ADAM21: variants seen among roughly 807,000 people sequenced by gnomAD.
ADAM21 encodes ADAM metallopeptidase domain 21.
For synonymous variants in ADAM21, 262 were observed against 306.0 expected (o/e 0.86, Z 1.50); for missense variants, 678 against 874.4 (o/e 0.78, Z 2.83).
At position 70,457,650 on chromosome 14, in the gene ADAM21, A is replaced by G. The variant is rs113413787; in HGVS notation, c.151A>G (p.Arg51Gly). The change falls in exon 2 of 2, where the codon AGG (arginine) becomes GGG (glycine). Residue 51 changes from arginine to glycine, a missense_variant. Physicochemically the swap from Arg to Gly is moderately radical, Grantham distance 125. Coordinates refer to ENST00000603540, the MANE Select transcript of ADAM21 (RefSeq NM_003813.4). Reference protein sequence around the residue: ...EVVIPLKVISRGRSAKAPGWL... With the variant: ...EVVIPLKVISGGRSAKAPGWL... ...GGTGATCCCCTTGAAGGTGATCAGC[A>G]GGGGCAGAAGTGCAAAGGCTCCTGG... 6.2e-7 allele frequency: 1 copy of G among 1,613,828 alleles called. No individual in the cohort carries two copies. Among genetic ancestry groups the G allele is most frequent in the Non-Finnish European group, 8.5e-7 (1 of 1,179,894 alleles).
chr14:70,457,881 T>C lies in ADAM21; in HGVS notation c.382T>C (p.Cys128Arg). 1.2e-6 allele frequency: 2 copies of C among 1,613,926 alleles called. No individual in the cohort carries two copies. Among genetic ancestry groups the C allele is most frequent in the Non-Finnish European group, 1.7e-6 (2 of 1,179,972 alleles). Reference protein sequence around the residue: ...APESLVVFSACFGGFRGVLKI... With the variant: ...APESLVVFSARFGGFRGVLKI... Reference sequence around the variant, plus strand: ...TGAGTCTCTGGTTGTGTTCAGTGCTTGTTTTGGGGGCTTTCGAGGAGTATT... The same window carrying C: ...TGAGTCTCTGGTTGTGTTCAGTGCTCGTTTTGGGGGCTTTCGAGGAGTATT... Residue 128 changes from cysteine (C) to arginine (R), a missense_variant, in exon 2 of 2, where the codon TGT becomes CGT. Transcript: ENST00000603540.
chr14:70,454,599 G>C (rs1889080388), intron 1 of ADAM21, among the ~76,000 whole-genome samples: 1 of 152,154 alleles, frequency 6.6e-6, no homozygotes, highest in African/African-American at 2.4e-5. Flanking sequence ...GGAGAGCTGG[G>C]AGAACTAAAA....
Position 70,457,431 on chromosome 14 carries a change from A to T in ADAM21, c.-69A>T. On this transcript the variant is annotated 5_prime_UTR_variant, in exon 2 of 2. Coordinates refer to ENST00000603540, the MANE Select transcript of ADAM21 (RefSeq NM_003813.4). The stretch of plus-strand genomic sequence containing the variant: ...CCTGAGCAGCTTAGAGGGAGAAGCC[A>T]GACCAGCAGTGCCTCACACCTTGTC... The T allele has an allele frequency of 1.3e-6, 2 of 1,599,602 alleles. No individual in the cohort carries two copies. The highest frequency in any genetic ancestry group is 1.7e-6 in the Non-Finnish European group (2 of 1,172,378).
In ADAM21 at chr14:70,458,758, G is replaced by C. The variant is rs1882468349; in HGVS notation, c.1259G>C (p.Cys420Ser). ...GNGVVEREEQ[C>S]DCGSVQQCEQ... is the part of the protein sequence containing the mutation. ...GGTGTGGTTGAAAGAGAAGAGCAGTGTGACTGTGGATCCGTACAGCAGTGT... is the reference window on the plus strand; with the variant it reads ...GGTGTGGTTGAAAGAGAAGAGCAGTCTGACTGTGGATCCGTACAGCAGTGT... The change falls in exon 2 of 2, where the codon TGT (cysteine) becomes TCT (serine). Residue 420 changes from cysteine (C) to serine (S), a missense_variant. Coordinates refer to ENST00000603540, the MANE Select transcript of ADAM21 (RefSeq NM_003813.4). 6.2e-7 allele frequency: 1 copy of C among 1,614,042 alleles called. No individual in the cohort carries two copies. Among genetic ancestry groups the C allele is most frequent in the Non-Finnish European group, 8.5e-7 (1 of 1,180,030 alleles).
Position 70,457,375 on chromosome 14 carries a change from A to G in ADAM21, c.-125A>G. The stretch of plus-strand genomic sequence containing the variant: ...ACTGCAGTTCTGATCTAACTCTGCC[A>G]GGACACAGATCCACAGGGTCAGCCC... On this transcript the variant is annotated 5_prime_UTR_variant, in exon 2 of 2. Transcript: ENST00000603540. 2 of 1,469,616 alleles carry G rather than the reference A, an allele frequency of 1.4e-6. No homozygotes were observed. The highest frequency in any genetic ancestry group is 1.2e-5 in the South Asian group (1 of 80,632). The allele number at this position is 1,469,616 out of a possible 1,614,324, so 91.0% of individuals were successfully genotyped here.
chr14:70,459,551 G>A lies in ADAM21; in HGVS notation c.2052G>A (p.Leu684=). The change falls in exon 2 of 2, where the codon TTG becomes TTA. Residue 684 remains leucine, a synonymous_variant. Transcript: ENST00000603540. ...GPASAKRGVF[L]PLIVIPSLSV... ...CATCTGCAAAGAGAGGAGTTTTTTT[G>A]CCGCTGATTGTGATTCCTTCTTTGT... 6.2e-7 allele frequency: 1 copy of A among 1,614,132 alleles called. No homozygotes were observed.
In ADAM21 at chr14:70,459,086, C is replaced by G; in HGVS notation, c.1587C>G (p.Cys529Trp). The change falls in exon 2 of 2, where the codon TGC (cysteine) becomes TGG (tryptophan). Residue 529 changes from cysteine (C) to tryptophan (W), a missense_variant. Physicochemically the swap from Cys to Trp is radical, Grantham distance 215. Coordinates refer to ENST00000603540, the MANE Select transcript of ADAM21 (RefSeq NM_003813.4). Reference sequence around the variant, plus strand: ...ATGCAAAAAGTGCATCTCAGAATTGCTATAAAGAAATCAATTCTCAGGGAA... The same window carrying G: ...ATGCAAAAAGTGCATCTCAGAATTGGTATAAAGAAATCAATTCTCAGGGAA... ...GKDAKSASQN[C>W]YKEINSQGNR... The G allele has an allele frequency of 6.2e-7, 1 of 1,612,726 alleles. No individual in the cohort carries two copies. The highest frequency in any genetic ancestry group is 2.2e-5 in the East Asian group (1 of 44,838).
At chr14:70,454,680 G>A (rs1594981636) in intron 1 of ADAM21, among the ~76,000 whole-genome samples, 1 of 152,130 alleles carries the variant, frequency 6.6e-6, no homozygotes, top group South Asian at 2.1e-4. Context: ...GACTATGAGT[G>A]GGTGGGCTGA....
At position 70,457,507 on chromosome 14, in the gene ADAM21, T is replaced by A; in HGVS notation, c.8T>A (p.Val3Glu). 6.3e-7 allele frequency: 1 copy of A among 1,599,046 alleles called. No homozygotes were observed. Among genetic ancestry groups the A allele is most frequent in the Non-Finnish European group, 8.5e-7 (1 of 1,170,698 alleles). Residue 3 changes from valine (V) to glutamate (E), a missense_variant, in exon 2 of 2, where the codon GTG becomes GAG. Val to Glu is a moderately radical substitution (Grantham distance 121). Coordinates refer to ENST00000603540, the MANE Select transcript of ADAM21 (RefSeq NM_003813.4). MA[V>E]DGTLVYIRVT... is the part of the protein sequence containing the mutation. ...CATAACGACAGCTTCATAATGGCAG[T>A]GGATGGGACCCTCGTGTACATCAGA...
chr14:70,452,284 G>C (rs1889047437), intron 1 of ADAM21, 21 bp downstream of exon 1: 1 of 152,160 alleles, frequency 6.6e-6, no homozygotes, highest in South Asian at 2.1e-4. Flanking sequence ...CATAAAGTTT[G>C]GTTCTATGCA....
chr14:70,458,390 G>A lies in ADAM21; in HGVS notation c.891G>A (p.Met297Ile). The change falls in exon 2 of 2, where the codon ATG becomes ATA. Residue 297 changes from methionine to isoleucine, a missense_variant. By Grantham distance (10) the Met-to-Ile change is conservative. Coordinates refer to ENST00000603540, the MANE Select transcript of ADAM21 (RefSeq NM_003813.4). ...LSQLQHDAAH[M>I]FIKNSLISIL... ...AGCTACAGCATGATGCTGCACATATGTTCATAAAAAATTCACTTATAAGTA... is the reference window on the plus strand; with the variant it reads ...AGCTACAGCATGATGCTGCACATATATTCATAAAAAATTCACTTATAAGTA... The A allele has an allele frequency of 6.2e-7, 1 of 1,614,146 alleles. No individual in the cohort carries two copies. The highest frequency in any genetic ancestry group is 2.2e-5 in the East Asian group (1 of 44,890).
At chr14:70,456,747 C>A (rs539202232) in intron 1 of ADAM21, among the ~76,000 whole-genome samples, 103 of 152,234 alleles carry the variant, frequency 6.8e-4, no homozygotes, top group African/African-American at 2.4e-3. Flanking sequence ...TCCGTTTTTC[C>A]ATTTTTCATT....
chr14:70,454,732 A>G (rs1462011986), intron 1 of ADAM21, among the ~76,000 whole-genome samples: 2 of 152,176 alleles, frequency 1.3e-5, no homozygotes, highest in Admixed American at 6.5e-5. Context: ...AAAAACTTTA[A>G]AAAACCCTGT....
chr14:70,454,323 G>T, intron 1 of ADAM21, among the ~76,000 whole-genome samples: 1 of 151,004 alleles, frequency 6.6e-6, no homozygotes. Flanking sequence ...TTTTTTCAGA[G>T]CAGCATTAGT....
intron 1 of ADAM21, among the ~76,000 whole-genome samples, chr14:70,454,155 A>G (rs1294142219): frequency 2.0e-5 from 3 of 152,276 alleles, no homozygotes; most frequent in African/African-American, 7.2e-5. Context: ...ATCCAGGAGA[A>G]TAAAGAAAAG....
At position 70,459,668 on chromosome 14, in the gene ADAM21, A is replaced by T. The variant is rs370615798; in HGVS notation, c.2169A>T (p.Ter723TyrextTer26). The change falls in exon 2 of 2, where the codon TAA becomes TAT. Residue 723 changes from the stop codon to tyrosine, a stop_lost. Transcript: ENST00000603540. ...PKETKAHSSG[*>Y] ...AAACTAAGGCTCATTCATCAGGTTAAGAAAATGTCTCTAACTTAATATTCC... is the reference window on the plus strand; with the variant it reads ...AAACTAAGGCTCATTCATCAGGTTATGAAAATGTCTCTAACTTAATATTCC... The T allele has an allele frequency of 1.2e-6, 2 of 1,612,982 alleles. No individual in the cohort carries two copies. Among genetic ancestry groups the T allele is most frequent in the African/African-American group, 2.7e-5 (2 of 74,788 alleles).
In ADAM21 at chr14:70,458,964, T is replaced by C. The variant is rs759746647; in HGVS notation, c.1465T>C (p.Tyr489His). The change falls in exon 2 of 2, where the codon TAT (tyrosine) becomes CAT (histidine). Residue 489 changes from tyrosine (Y) to histidine (H), a missense_variant. Coordinates refer to ENST00000603540, the MANE Select transcript of ADAM21 (RefSeq NM_003813.4). Reference protein sequence around the residue: ...GTSHQCPEDRYVQDGIPCSDS... With the variant: ...GTSHQCPEDRHVQDGIPCSDS... ...ATCTCATCAGTGTCCAGAAGATAGA[T>C]ATGTGCAGGACGGGATCCCCTGTAG... 1.2e-6 allele frequency: 2 copies of C among 1,614,078 alleles called. No homozygotes were observed. Among genetic ancestry groups the C allele is most frequent in the South Asian group, 2.2e-5 (2 of 91,070 alleles).
chr14:70,459,679 C>A lies in ADAM21; in HGVS notation c.*11C>A, dbSNP rs755473553. 2 of 1,612,106 alleles carry A rather than the reference C, an allele frequency of 1.2e-6. No homozygotes were observed. Among genetic ancestry groups the A allele is most frequent in the East Asian group, 4.5e-5 (2 of 44,874 alleles). ...CATTCATCAGGTTAAGAAAATGTCT[C>A]TAACTTAATATTCCATGCATTAGTA... is the stretch of plus-strand genomic sequence containing the variant. On this transcript the variant is annotated 3_prime_UTR_variant, in exon 2 of 2. Transcript: ENST00000603540.
chr14:70,454,269 C>T (rs1889076433), intron 1 of ADAM21, among the ~76,000 whole-genome samples: 2 of 151,996 alleles, frequency 1.3e-5, no homozygotes. Context: ...TTTCTATATT[C>T]TCTTTTTAAG....
Sources: allele counts gnomAD v4.1 joint callset (sites outside exome capture counted in the v4.1 genomes callset), GRCh38; gene constraint gnomAD v4.1.1; transcripts MANE v1.5; gene names NCBI Gene and HGNC (gene_info 2026-07-23, HGNC 2026-07-21).